The following RAD9B variants were observed in gnomAD, a reference collection of about 807,000 sequenced individuals.
RAD9B encodes RAD9 checkpoint clamp component B, also known as cell cycle checkpoint control protein RAD9B.
In RAD9B, 41 loss-of-function variants were observed where a neutral mutation model predicts 48.3. The observed-to-expected ratio is 0.85, with a 90% CI of 0.66 to 1.10. RAD9B has a LOEUF of 1.10. RAD9B is among the 50% of genes least tolerant of loss of function. The pLI, the probability that RAD9B is intolerant of heterozygous loss-of-function variation, is 0.00. For synonymous variants in RAD9B, 160 were observed against 157.9 expected, an observed-to-expected ratio of 1.01 and a Z score of -0.10; for missense variants, 444 against 485.1, an observed-to-expected ratio of 0.92 and a Z score of 0.80.
intron 6 of RAD9B, among the ~76,000 whole-genome samples, chr12:110,517,262 A>G (rs1371162305): frequency 5.9e-5 from 9 of 152,102 alleles, no homozygotes; most frequent in African/African-American, 9.7e-5. Flanking sequence ...CAAGATTTCA[A>G]GGTTGCAGGT....
intron 1 of RAD9B, chr12:110,502,668 T>C (rs562690656): frequency 2.8e-5 from 11 of 397,598 alleles, no homozygotes; most frequent in Non-Finnish European, 4.5e-5. Flanking sequence ...TGGGGAAGAG[T>C]TGAGAGAAAA....
At chr12:110,502,416 A>G (rs1186354379) in intron 1 of RAD9B, 33 bp downstream of exon 1, 2 of 1,611,326 alleles carry the variant, frequency 1.2e-6, no homozygotes, top group East Asian at 4.5e-5. Flanking sequence ...CCCATTTAGC[A>G]GAGAGAAAAG....
At chr12:110,508,347 A>G (rs546011619) in intron 4 of RAD9B, among the ~76,000 whole-genome samples, 1 of 152,200 alleles carries the variant, frequency 6.6e-6, no homozygotes, top group South Asian at 2.1e-4. Context: ...TGCTGTTACT[A>G]TAATTATCCT....
chr12:110,523,387 A>G (rs1289946355), intron 10 of RAD9B, among the ~76,000 whole-genome samples: 2 of 152,184 alleles, frequency 1.3e-5, no homozygotes, highest in Non-Finnish European at 2.9e-5. Flanking sequence ...TGATCGCACA[A>G]CTGCACTCCA....
At chr12:110,507,525 GTATTAAATATAATACATAATATA>G (rs2063332558) in intron 4 of RAD9B, among the ~76,000 whole-genome samples, 3 of 29,834 alleles carry the variant, frequency 1.0e-4, no homozygotes, top group African/African-American at 2.4e-4. Context: ...CATAATATAT[GTATTAAATATAATACATAATATA>G]TGTATTAAAT....
intron 10 of RAD9B, among the ~76,000 whole-genome samples, chr12:110,523,965 C>A (rs2063859046): frequency 6.6e-6 from 1 of 152,174 alleles, no homozygotes; most frequent in Non-Finnish European, 1.5e-5. Context: ...ATTCCATGGG[C>A]TTCCTGCCAT....
chr12:110,507,432 G>A (rs1355036122), intron 4 of RAD9B, among the ~76,000 whole-genome samples: 1 of 134,982 alleles, frequency 7.4e-6, no homozygotes, highest in African/African-American at 2.8e-5. Context: ...TAATATATAT[G>A]TATTAAATAT....
intron 4 of RAD9B, among the ~76,000 whole-genome samples, chr12:110,507,429 T>C (rs1565879400): frequency 2.8e-5 from 4 of 142,062 alleles, no homozygotes; most frequent in Non-Finnish European, 6.0e-5. Flanking sequence ...ATATAATATA[T>C]ATGTATTAAA....
chr12:110,519,497 C>G (rs985529081), intron 8 of RAD9B, among the ~76,000 whole-genome samples: 1 of 152,038 alleles, frequency 6.6e-6, no homozygotes, highest in Non-Finnish European at 1.5e-5. Flanking sequence ...ATGGTGCAAT[C>G]TCAGCTCACT....
chr12:110,511,433 T>G, intron 4 of RAD9B: 1 of 440,342 alleles, frequency 2.3e-6, no homozygotes, highest in South Asian at 1.6e-5. Context: ...TGCAGCAACG[T>G]GGATGGAACT....
In RAD9B at chr12:110,530,977, T is replaced by TAA; in HGVS notation, c.*326_*327dup. ...TCTTTGCTAGTTTTATAAAGGTATT[T>TAA]AAACTTTATTCAACAGCCATTTAGA... On this transcript the variant is annotated 3_prime_UTR_variant, in exon 11 of 11. Coordinates refer to ENST00000409300, the MANE Select transcript of RAD9B (RefSeq NM_001286535.2). 1 of 1,036,682 alleles carries TAA rather than the reference T, an allele frequency of 9.6e-7. No individual in the cohort carries two copies. The highest frequency in any genetic ancestry group is 8.4e-5 in the East Asian group (1 of 11,974). The allele number at this position is 1,036,682 out of a possible 1,614,324, so 64.2% of individuals were successfully genotyped here. A position where few individuals can be genotyped will look rare whatever the true frequency, so the allele number is the denominator to read the frequency against.
chr12:110,510,471 C>T (rs1325245632), intron 4 of RAD9B, among the ~76,000 whole-genome samples: 2 of 152,124 alleles, frequency 1.3e-5, no homozygotes, highest in Admixed American at 6.6e-5. Context: ...GTGTGAGTTC[C>T]GAGCTGAGTC....
intron 5 of RAD9B, among the ~76,000 whole-genome samples, chr12:110,513,321 G>A (rs1410557747): frequency 1.3e-5 from 2 of 151,606 alleles, no homozygotes; most frequent in Non-Finnish European, 2.9e-5. Flanking sequence ...CACCATACAG[G>A]GACAAGAGGA....
rs2063242363 is a variant in RAD9B at position 110,505,679 on chromosome 12, G to GT, written c.186dup (p.Gln63SerfsTer13). 1 of 1,594,284 alleles carries GT rather than the reference G, an allele frequency of 6.3e-7. No homozygotes were observed. Among genetic ancestry groups the GT allele is most frequent in the East Asian group, 2.3e-5 (1 of 44,414 alleles). On this transcript the variant is annotated frameshift_variant, in exon 3 of 11. Transcript: ENST00000409300. LOFTEE classifies it high-confidence loss of function. Reference sequence around the variant, plus strand: ...ATGGATGTGTCCTGTTCTCTCCTGTGTTTTTTCAGCATTATCAATGGTCAG... The same window carrying GT: ...ATGGATGTGTCCTGTTCTCTCCTGTGTTTTTTTCAGCATTATCAATGGTCAG...
intron 4 of RAD9B, chr12:110,511,522 A>C: frequency 2.2e-6 from 1 of 449,942 alleles, no homozygotes; most frequent in South Asian, 1.6e-5. Context: ...GACGCTAAAA[A>C]GTTGATCTCA....
At chr12:110,530,491 GGAATCAACAA>G (rs1565906659) in intron 10 of RAD9B, 24 bp from the exon 11 acceptor site, 2 of 1,609,012 alleles carry the variant, frequency 1.2e-6, no homozygotes, top group Non-Finnish European at 1.7e-6. Flanking sequence ...CTTTCTCTTT[GGAATCAACAA>G]TGCAGTTCCT....
At chr12:110,524,208 C>G (rs929472534) in intron 10 of RAD9B, among the ~76,000 whole-genome samples, 3 of 152,218 alleles carry the variant, frequency 2.0e-5, no homozygotes, top group African/African-American at 7.2e-5. Flanking sequence ...ATTATGCCCA[C>G]TAAATGGAAT....
chr12:110,518,631 C>T (rs2063680709), intron 6 of RAD9B, 45 bp from the exon 7 acceptor site: 5 of 1,373,534 alleles, frequency 3.6e-6, no homozygotes, highest in Non-Finnish European at 4.0e-6. Flanking sequence ...CTAAATTCAT[C>T]TCTGGAACTA....
In RAD9B at chr12:110,512,996, C is replaced by G. The variant is rs113559268; in HGVS notation, c.488+118C>G. The G allele has an allele frequency of 1.0e-5, 6 of 595,706 alleles. No homozygotes were observed. The African/African-American group carries it at 1.2e-4, about 12-fold the overall frequency. The allele number at this position is 595,706 out of a possible 1,614,324, so 36.9% of individuals were successfully genotyped here. Reference sequence around the variant, plus strand: ...TTTTTTTTTTTTTTATATGGAGTCTCGCTGTGTCGCCCAGGCTGGAGTGCA... The same window carrying G: ...TTTTTTTTTTTTTTATATGGAGTCTGGCTGTGTCGCCCAGGCTGGAGTGCA... On this transcript the variant is annotated intron_variant, in intron 5 of 10. Coordinates refer to ENST00000409300, the MANE Select transcript of RAD9B (RefSeq NM_001286535.2).
Sources: allele counts gnomAD v4.1 joint callset (sites outside exome capture counted in the v4.1 genomes callset), GRCh38; gene constraint gnomAD v4.1.1; transcripts MANE v1.5; gene names NCBI Gene and HGNC (gene_info 2026-07-23, HGNC 2026-07-21).